RAB3IL1: variants seen among roughly 807,000 people sequenced by gnomAD.
RAB3IL1 encodes the protein RAB3A interacting protein like 1, also known as guanine nucleotide exchange factor for Rab-3A.
In RAB3IL1, 37 loss-of-function variants were observed where a neutral mutation model predicts 49.2. The ratio of observed to expected loss-of-function variants is 0.75; its 90% confidence interval spans 0.58 to 0.99. The LOEUF (loss-of-function observed/expected upper bound fraction) is 0.99, where lower values mean the gene tolerates loss of function less well. Ranked by LOEUF, RAB3IL1 falls within the 50% of genes least tolerant of loss-of-function variation. RAB3IL1 has a pLI of 0.00. For missense variants in RAB3IL1, 484 were observed against 513.0 expected (o/e 0.94, Z 0.55); for synonymous variants, 193 against 213.9 (o/e 0.90, Z 0.85).
chr11:61,918,602 G>A (rs74957100), upstream of RAB3IL1, among the ~76,000 whole-genome samples: 1,135 of 152,372 alleles, frequency 7.4e-3, 7 homozygotes, highest in Middle Eastern at 0.024. Context: ...ACAGACATAG[G>A]TTCTGCCCTC....
At chr11:61,903,821 G>A (rs991781190) in intron 7 of RAB3IL1, among the ~76,000 whole-genome samples, 6 of 151,948 alleles carry the variant, frequency 3.9e-5, no homozygotes, top group East Asian at 1.9e-4. Context: ...CACTGCACCC[G>A]GCCTATTGAT....
In RAB3IL1 at chr11:61,908,045, G is replaced by A. The variant is rs368632812; in HGVS notation, c.264+9C>T. 42 of 1,602,128 alleles carry A rather than the reference G, an allele frequency of 2.6e-5. No homozygotes were observed. The highest frequency in any genetic ancestry group is 3.4e-5 in the Non-Finnish European group (40 of 1,172,782). ...ACCGAAGACCCCCCAGCCTACTGCA[G>A]GCACCCACCTTCTGCGCTCTGTGCA... is the stretch of plus-strand genomic sequence containing the variant. On this transcript the variant is annotated intron_variant, in intron 2 of 9. Coordinates refer to ENST00000394836, the MANE Select transcript of RAB3IL1 (RefSeq NM_013401.4).
chr11:61,945,186 G>A, the RAB3IL1 span, among the ~76,000 whole-genome samples: 28 of 152,268 alleles, frequency 1.8e-4, no homozygotes, highest in South Asian at 4.1e-3. Context: ...CCCTTGTGCC[G>A]TCCTCTCCAA....
chr11:61,930,599 G>C, the RAB3IL1 span, among the ~76,000 whole-genome samples: 1,024 of 152,068 alleles, frequency 6.7e-3, 13 homozygotes, highest in African/African-American at 0.023. Context: ...GGCAACATGG[G>C]GAGACCCCAT....
chr11:61,914,815 G>T (rs1358199197), intron 1 of RAB3IL1, among the ~76,000 whole-genome samples: 1 of 152,062 alleles, frequency 6.6e-6, no homozygotes, highest in Non-Finnish European at 1.5e-5. Flanking sequence ...AAACATCACT[G>T]GCCCCGCTGG....
In RAB3IL1 at chr11:61,917,368, C is replaced by G. The variant is rs973992555; in HGVS notation, c.-1G>C. ...GCGCGCGGACCTACCCGCTCCACAT[C>G]CCGGCGCCTCGGGGCGCCCAGGCGT... On this transcript the variant is annotated 5_prime_UTR_variant, in exon 1 of 10. Transcript: ENST00000394836. 5 of 1,256,344 alleles carry G rather than the reference C, an allele frequency of 4.0e-6. No individual in the cohort carries two copies. In the African/African-American group the frequency reaches 7.8e-5, roughly 20 times the overall value. 77.8% of individuals were successfully genotyped at this position (1,256,344 alleles called of 1,614,324 possible). A position where few individuals can be genotyped will look rare whatever the true frequency, so the allele number is the denominator to read the frequency against.
At chr11:61,945,113 C>T in the RAB3IL1 span, among the ~76,000 whole-genome samples, 1 of 152,178 alleles carries the variant, frequency 6.6e-6, no homozygotes, top group African/African-American at 2.4e-5. Flanking sequence ...GCTAAGGCAG[C>T]CTGCCGTCAG....
At chr11:61,907,900 C>T (rs1045575871) in intron 2 of RAB3IL1, among the ~76,000 whole-genome samples, 154 bp downstream of exon 2, 1 of 152,208 alleles carries the variant, frequency 6.6e-6, no homozygotes, top group Non-Finnish European at 1.5e-5. Context: ...GGGTGACCAT[C>T]GGTGCGCCCA....
the RAB3IL1 span, among the ~76,000 whole-genome samples, chr11:61,943,674 C>T: frequency 6.6e-6 from 1 of 152,088 alleles, no homozygotes; most frequent in African/African-American, 2.4e-5. Flanking sequence ...AGACATTTCT[C>T]CAATGAGGAT....
chr11:61,942,238 T>G, the RAB3IL1 span, among the ~76,000 whole-genome samples: 1 of 152,112 alleles, frequency 6.6e-6, no homozygotes, highest in Admixed American at 6.6e-5. Flanking sequence ...ATGTGCTTTG[T>G]TAAACAGATG....
At position 61,908,155 on chromosome 11, in the gene RAB3IL1, C is replaced by T. The variant is rs760110186; in HGVS notation, c.163G>A (p.Ala55Thr). ...GEEAQGQEGPAAAQLDVLRLR... is the reference protein window; with the variant it reads ...GEEAQGQEGPTAAQLDVLRLR... Reference sequence around the variant, plus strand: ...CGCAACACGTCCAGCTGGGCGGCTGCGGGGCCCTCCTGGCCTTGGGCCTCC... The same window carrying T: ...CGCAACACGTCCAGCTGGGCGGCTGTGGGGCCCTCCTGGCCTTGGGCCTCC... Residue 55 changes from alanine to threonine, a missense_variant, in exon 2 of 10, where the codon GCA (alanine) becomes ACA (threonine). Transcript: ENST00000394836. 2.5e-5 allele frequency: 40 copies of T among 1,569,122 alleles called. No individual in the cohort carries two copies. The East Asian group carries it at 4.7e-4, about 19-fold the overall frequency.
chr11:61,904,748 C>T lies in RAB3IL1; in HGVS notation c.786+6G>A, dbSNP rs761765859. ...CCCAGCTGGCCCCGCCCCTGCCATG[C>T]CTCACCTCCTGCATTGTGAAGTCCA... On this transcript the variant is annotated splice_donor_region_variant and intron_variant, in intron 6 of 9. Transcript: ENST00000394836. 65 of 1,599,162 alleles carry T rather than the reference C, an allele frequency of 4.1e-5. No individual in the cohort carries two copies. The South Asian group carries it at 6.4e-4, about 16-fold the overall frequency.
the RAB3IL1 span, among the ~76,000 whole-genome samples, chr11:61,939,477 A>G: frequency 6.6e-6 from 1 of 152,150 alleles, no homozygotes; most frequent in Non-Finnish European, 1.5e-5. Flanking sequence ...GAAAAAGTAG[A>G]ATAAACTAAA....
At chr11:61,937,878 A>T in the RAB3IL1 span, 2 of 151,908 alleles carry the variant, frequency 1.3e-5, no homozygotes, top group Non-Finnish European at 2.9e-5. Flanking sequence ...ATTTTTTTTA[A>T]AAAAAACATG....
the RAB3IL1 span, among the ~76,000 whole-genome samples, chr11:61,932,971 A>G: frequency 1.3e-5 from 2 of 151,910 alleles, no homozygotes; most frequent in African/African-American, 4.8e-5. Context: ...GGATTTCACC[A>G]TGTTGGCCAG....
intron 8 of RAB3IL1, among the ~76,000 whole-genome samples, chr11:61,902,085 C>T (rs777299870): frequency 1.1e-4 from 16 of 152,200 alleles, no homozygotes; most frequent in Non-Finnish European, 1.9e-4. Context: ...GAGGCCGAGG[C>T]AGGCAGATCA....
rs892091935 is a variant in RAB3IL1 at position 61,907,401 on chromosome 11, G to C, written c.430C>G (p.Arg144Gly). 6.2e-7 allele frequency: 1 copy of C among 1,613,528 alleles called. No homozygotes were observed. The highest frequency in any genetic ancestry group is 8.5e-7 in the Non-Finnish European group (1 of 1,179,908). The stretch of plus-strand genomic sequence containing the variant: ...GCGGGGATGGGCCTCACCTTGCCCC[G>C]AGCCTCCTTCAGCTGCTTTTCTGAT... ...AASEKQLKEA[R>G]GKIDMLQAEV... Residue 144 changes from arginine to glycine, a missense_variant, in exon 4 of 10, where the codon CGG becomes GGG. Physicochemically the swap from Arg to Gly is moderately radical, Grantham distance 125. Coordinates refer to ENST00000394836, the MANE Select transcript of RAB3IL1 (RefSeq NM_013401.4).
upstream of RAB3IL1, chr11:61,920,344 C>G: frequency 9.9e-7 from 1 of 1,009,742 alleles, no homozygotes; most frequent in Non-Finnish European, 1.3e-6. Flanking sequence ...CCCAGGACAG[C>G]CGCTATCTCC....
At chr11:61,928,565 C>T in the RAB3IL1 span, among the ~76,000 whole-genome samples, 4 of 152,236 alleles carry the variant, frequency 2.6e-5, no homozygotes, top group Admixed American at 6.5e-5. Context: ...AGCTAGGACC[C>T]TCCAACTACA....
Sources: gnomAD v4.1 joint callset for allele counts (sites outside exome capture counted in the v4.1 genomes callset) on GRCh38, gnomAD v4.1.1 for gene constraint, MANE v1.5 for transcripts, NCBI Gene and HGNC (gene_info 2026-07-23, HGNC 2026-07-21) for gene names.